Variants in ABTB3 observed in about 807,000 individuals in gnomAD.
ABTB3 encodes the protein ankyrin repeat- and BTB/POZ domain-containing protein 3.
the ABTB3 span, among the ~76,000 whole-genome samples, chr12:107,412,931 C>T: frequency 2.0e-5 from 3 of 152,066 alleles, no homozygotes; most frequent in African/African-American, 7.2e-5. Flanking sequence ...GCAGCGTGTC[C>T]GGGGTTGCAA....
chr12:107,476,401 G>A, the ABTB3 span, among the ~76,000 whole-genome samples: 579 of 152,258 alleles, frequency 3.8e-3, 11 homozygotes, highest in African/African-American at 0.013. Flanking sequence ...CCTTCACCTT[G>A]CGGTATTAGG....
the ABTB3 span, among the ~76,000 whole-genome samples, chr12:107,484,272 G>A: frequency 4.6e-5 from 7 of 152,202 alleles, no homozygotes; most frequent in Non-Finnish European, 8.8e-5. Flanking sequence ...AGCTTCAAAC[G>A]GGTGTCCCAA....
chr12:107,635,186 G>A, the ABTB3 span: 3 of 1,025,852 alleles, frequency 2.9e-6, no homozygotes, highest in Non-Finnish European at 1.5e-6. Context: ...CAGTAAATGT[G>A]TGAGCTCTTA....
At chr12:107,551,229 A>G in the ABTB3 span, among the ~76,000 whole-genome samples, 1 of 152,210 alleles carries the variant, frequency 6.6e-6, no homozygotes, top group Non-Finnish European at 1.5e-5. Context: ...CTCTGGAGAA[A>G]CTCAGAGTTG....
chr12:107,437,228 A>T, the ABTB3 span, among the ~76,000 whole-genome samples: 1 of 152,158 alleles, frequency 6.6e-6, no homozygotes, highest in Non-Finnish European at 1.5e-5. Flanking sequence ...TCAGAAGCTC[A>T]AAGTCAAGGT....
the ABTB3 span, among the ~76,000 whole-genome samples, chr12:107,403,989 C>A: frequency 3.3e-5 from 5 of 151,674 alleles, no homozygotes; most frequent in African/African-American, 1.2e-4. Context: ...ATGGTGAAAC[C>A]CCGTCTCTAC....
the ABTB3 span, chr12:107,319,067 C>G: frequency 1.4e-4 from 228 of 1,613,262 alleles, no homozygotes; most frequent in Non-Finnish European, 1.8e-4. Context: ...CGACTCGCAC[C>G]CGGCGTCCCC....
the ABTB3 span, among the ~76,000 whole-genome samples, chr12:107,599,881 C>T: frequency 6.6e-6 from 1 of 152,208 alleles, no homozygotes; most frequent in Non-Finnish European, 1.5e-5. Context: ...TTCTCCAGAG[C>T]AGAAATCACA....
the ABTB3 span, among the ~76,000 whole-genome samples, chr12:107,460,145 C>G: frequency 6.6e-6 from 1 of 152,204 alleles, no homozygotes; most frequent in Non-Finnish European, 1.5e-5. Context: ...TACCAGTGTT[C>G]TTTTCCTGCA....
the ABTB3 span, among the ~76,000 whole-genome samples, chr12:107,412,578 A>C: frequency 1.3e-5 from 2 of 152,060 alleles, no homozygotes; most frequent in African/African-American, 4.8e-5. Flanking sequence ...GCCCCAAGAG[A>C]TAAGGGCTGT....
At chr12:107,511,083 C>T in the ABTB3 span, among the ~76,000 whole-genome samples, 1 of 152,036 alleles carries the variant, frequency 6.6e-6, no homozygotes, top group African/African-American at 2.4e-5. Flanking sequence ...TTTGCTATGC[C>T]CAAGAAACCC....
chr12:107,651,734 T>C, the ABTB3 span: 2 of 1,614,204 alleles, frequency 1.2e-6, no homozygotes, highest in Non-Finnish European at 1.7e-6. Flanking sequence ...TGAGATTATC[T>C]GTGCGAAAAG....
chr12:107,491,890 G>A, the ABTB3 span, among the ~76,000 whole-genome samples: 1 of 152,086 alleles, frequency 6.6e-6, no homozygotes, highest in Non-Finnish European at 1.5e-5. Context: ...GAAGTTTGAG[G>A]AGAAGATTAT....
At chr12:107,482,916 CTTTCT>C in the ABTB3 span, among the ~76,000 whole-genome samples, 13 of 43,892 alleles carry the variant, frequency 3.0e-4, no homozygotes, top group African/African-American at 1.4e-3. Flanking sequence ...CTTTCTTCTT[CTTTCT>C]TTCTTTCTTT....
At chr12:107,449,087 G>A in the ABTB3 span, among the ~76,000 whole-genome samples, 13 of 152,176 alleles carry the variant, frequency 8.5e-5, no homozygotes, top group Non-Finnish European at 1.5e-4. Context: ...CTTGTTAATC[G>A]TGTGGCCTTA....
the ABTB3 span, among the ~76,000 whole-genome samples, chr12:107,508,905 A>C: frequency 1.2e-4 from 18 of 152,336 alleles, no homozygotes; most frequent in African/African-American, 4.3e-4. Context: ...GCCACAGTCC[A>C]TGCTCCTGGG....
the ABTB3 span, among the ~76,000 whole-genome samples, chr12:107,511,817 A>G: frequency 6.6e-6 from 1 of 152,272 alleles, no homozygotes; most frequent in East Asian, 1.9e-4. Flanking sequence ...AAGGAATCAG[A>G]GACTGGAAAG....
the ABTB3 span, among the ~76,000 whole-genome samples, chr12:107,615,941 C>A: frequency 1.3e-5 from 2 of 152,122 alleles, no homozygotes; most frequent in African/African-American, 2.4e-5. Context: ...TTGTGTGGTC[C>A]ATGCCTCTTG....
the ABTB3 span, among the ~76,000 whole-genome samples, chr12:107,625,527 G>T: frequency 1.2e-4 from 19 of 152,072 alleles, no homozygotes; most frequent in African/African-American, 4.6e-4. Context: ...TCCCCTACTT[G>T]GCCTCTGTTG....
Sources: gnomAD v4.1 joint callset for allele counts (sites outside exome capture counted in the v4.1 genomes callset) on GRCh38, gnomAD v4.1.1 for gene constraint, MANE v1.5 for transcripts, NCBI Gene and HGNC (gene_info 2026-07-23, HGNC 2026-07-21) for gene names.